The following CTNNA1 variants were observed in gnomAD, a reference collection of about 807,000 sequenced individuals.
CTNNA1 encodes the protein catenin alpha-1.
In CTNNA1, 37 loss-of-function variants were observed where a neutral mutation model predicts 98.4. The observed-to-expected ratio is 0.38, with a 90% CI of 0.29 to 0.49. The LOEUF (loss-of-function observed/expected upper bound fraction) is 0.49. Among genes scored for constraint, CTNNA1 ranks in the 20% least tolerant of loss-of-function variants. CTNNA1 has a pLI of 0.95. For missense variants in CTNNA1, 761 were observed against 1,147.2 expected (o/e 0.66, Z 4.86); for synonymous variants, 404 against 413.2 (o/e 0.98, Z 0.27).
rs1766108569 is a variant in CTNNA1, at chr5:138,934,448, G to A, written c.*359G>A. The stretch of plus-strand genomic sequence containing the variant: ...GAGAAGGGAATTTGGCTCAACTTCA[G>A]TTGAGAGGGTGCAGTCCAGACAGCT... On this transcript the variant is annotated 3_prime_UTR_variant, in exon 18 of 18. Coordinates refer to ENST00000302763, the MANE Select transcript of CTNNA1 (RefSeq NM_001903.5). 2 of 243,702 alleles carry A rather than the reference G, an allele frequency of 8.2e-6. No individual in the cohort carries two copies. Among genetic ancestry groups the A allele is most frequent in the African/African-American group, 2.3e-5 (1 of 43,138 alleles). 15.1% of individuals were successfully genotyped at this position (243,702 alleles called of 1,614,324 possible).
intron 5 of CTNNA1, among the ~76,000 whole-genome samples, chr5:138,812,523 A>G (rs1266997246): frequency 6.6e-6 from 1 of 152,182 alleles, no homozygotes; most frequent in African/African-American, 2.4e-5. Context: ...TGAACATTTT[A>G]TCTTAAGTAG....
At chr5:138,919,967 A>AT (rs34990349) in intron 11 of CTNNA1, among the ~76,000 whole-genome samples, 1,180 of 79,410 alleles carry the variant, frequency 0.015, 41 homozygotes, top group African/African-American at 0.029. Flanking sequence ...AGCTTTGGCA[A>AT]TTTTTTTTTT....
intron 7 of CTNNA1, among the ~76,000 whole-genome samples, chr5:138,848,805 A>G (rs1468537748): frequency 6.6e-6 from 1 of 152,032 alleles, no homozygotes; most frequent in Non-Finnish European, 1.5e-5. Flanking sequence ...GTTCACTGCA[A>G]CCTCCACTTC....
intron 1 of CTNNA1, among the ~76,000 whole-genome samples, chr5:138,757,271 G>T (rs1357865022): frequency 6.6e-6 from 1 of 152,028 alleles, no homozygotes; most frequent in East Asian, 1.9e-4. Flanking sequence ...GGTTGTTAGG[G>T]GCCAGGTGAA....
chr5:138,779,835 C>T (rs982079684), intron 1 of CTNNA1, among the ~76,000 whole-genome samples: 39 of 151,886 alleles, frequency 2.6e-4, no homozygotes, highest in Non-Finnish European at 4.4e-4. Context: ...CCTGCCTCAG[C>T]CTCCTGAGCA....
At chr5:138,782,674 T>C (rs1755252108) in intron 2 of CTNNA1, among the ~76,000 whole-genome samples, 1 of 152,250 alleles carries the variant, frequency 6.6e-6, no homozygotes, top group Non-Finnish European at 1.5e-5. Flanking sequence ...GCGTCATCAC[T>C]GTAGGCTTCT....
chr5:138,764,160 G>C (rs1173076905), intron 1 of CTNNA1, among the ~76,000 whole-genome samples: 1 of 152,120 alleles, frequency 6.6e-6, no homozygotes, highest in African/African-American at 2.4e-5. Context: ...ACTCCAGCGT[G>C]GGTGACAGAG....
At chr5:138,771,697 A>AT (rs938199753) in intron 1 of CTNNA1, among the ~76,000 whole-genome samples, 5 of 152,056 alleles carry the variant, frequency 3.3e-5, no homozygotes, top group South Asian at 2.1e-4. Context: ...AGTTACCTTG[A>AT]TTTTTTTGGC....
Position 138,841,280 on chromosome 5 carries a change from G to A in CTNNA1, c.1062+13562G>A, listed in dbSNP as rs1036951650. 5.3e-5 allele frequency among the ~76,000 whole-genome samples: 8 copies of A among 152,052 alleles called. No individual in the cohort carries two copies. In the East Asian group the frequency reaches 1.5e-3, roughly 29 times the overall value. On this transcript the variant is annotated intron_variant, in intron 7 of 17. Transcript: ENST00000302763. ...ATGTATGTATTTATTTATTTTTTGA[G>A]ATGGAGTTTCCCTCTGTCACCTGGG...
At chr5:138,771,417 C>T (rs568721324) in intron 1 of CTNNA1, among the ~76,000 whole-genome samples, 1 of 152,056 alleles carries the variant, frequency 6.6e-6, no homozygotes, top group Non-Finnish European at 1.5e-5. Context: ...GAATCTCCCC[C>T]ATCACTCAGC....
chr5:138,852,110 T>C (rs976750448), intron 7 of CTNNA1, among the ~76,000 whole-genome samples: 4 of 152,120 alleles, frequency 2.6e-5, no homozygotes, highest in Admixed American at 6.5e-5. Context: ...ATATATAACA[T>C]GGGTGCTACC....
intron 3 of CTNNA1, among the ~76,000 whole-genome samples, chr5:138,797,129 C>T (rs1757065879): frequency 6.6e-6 from 1 of 152,154 alleles, no homozygotes; most frequent in African/African-American, 2.4e-5. Flanking sequence ...CATGAACTAG[C>T]AGCCATGGGA....
chr5:138,761,307 T>C (rs1411315988), intron 1 of CTNNA1, among the ~76,000 whole-genome samples: 3 of 152,146 alleles, frequency 2.0e-5, no homozygotes, highest in African/African-American at 7.2e-5. Context: ...TGATCTCGGC[T>C]CACTGCAACC....
At chr5:138,890,452 C>G (rs1432210002) in intron 9 of CTNNA1, among the ~76,000 whole-genome samples, 2 of 152,172 alleles carry the variant, frequency 1.3e-5, no homozygotes, top group East Asian at 3.8e-4. Flanking sequence ...TGACCCACCT[C>G]AGGTTTCAGT....
At chr5:138,800,671 C>T (rs1021027850) in intron 3 of CTNNA1, among the ~76,000 whole-genome samples, 5 of 152,218 alleles carry the variant, frequency 3.3e-5, no homozygotes, top group South Asian at 4.2e-4. Flanking sequence ...GGCATGGTGG[C>T]GCATGCCTGT....
At chr5:138,836,348 A>G (rs1430329202) in intron 7 of CTNNA1, among the ~76,000 whole-genome samples, 1 of 152,228 alleles carries the variant, frequency 6.6e-6, no homozygotes, top group Non-Finnish European at 1.5e-5. Flanking sequence ...TCCATGTTGT[A>G]GAGCAGCATT....
At chr5:138,835,185 A>G (rs1370006672) in intron 7 of CTNNA1, among the ~76,000 whole-genome samples, 3 of 152,240 alleles carry the variant, frequency 2.0e-5, no homozygotes, top group Non-Finnish European at 4.4e-5. Context: ...GTGGATCTTC[A>G]GTTGCTTCAG....
intron 7 of CTNNA1, among the ~76,000 whole-genome samples, chr5:138,847,754 C>T (rs970739024): frequency 1.7e-4 from 26 of 152,024 alleles, no homozygotes; most frequent in African/African-American, 5.8e-4. Flanking sequence ...TTTTTGCTGC[C>T]CCAAGTAAAC....
At chr5:138,854,021 G>T (rs908573810) in intron 7 of CTNNA1, among the ~76,000 whole-genome samples, 2 of 152,144 alleles carry the variant, frequency 1.3e-5, no homozygotes, top group African/African-American at 4.8e-5. Context: ...CATAGAGCTG[G>T]GTTAGTGAAG....
Sources: gnomAD v4.1 joint callset for allele counts (sites outside exome capture counted in the v4.1 genomes callset) on GRCh38, gnomAD v4.1.1 for gene constraint, MANE v1.5 for transcripts, NCBI Gene and HGNC (gene_info 2026-07-23, HGNC 2026-07-21) for gene names.